Variants in KMT2E observed in about 807,000 individuals in gnomAD.
KMT2E encodes the protein lysine methyltransferase 2E (inactive).
KMT2E carries 30 observed loss-of-function variants against 184.6 expected under a neutral mutation model. That is an observed-to-expected ratio of 0.16 (90% CI 0.12 to 0.22). The LOEUF (loss-of-function observed/expected upper bound fraction) is 0.22, where lower values mean the gene tolerates loss of function less well. Among genes scored for constraint, KMT2E ranks in the 10% least tolerant of loss-of-function variants. The pLI, the probability that KMT2E is intolerant of heterozygous loss-of-function variation, is 1.00. For missense variants in KMT2E, 2,023 were observed against 2,237.4 expected, an observed-to-expected ratio of 0.90 and a Z score of 1.93; for synonymous variants, 815 against 776.5, an observed-to-expected ratio of 1.05 and a Z score of -0.82.
intron 6 of KMT2E, among the ~76,000 whole-genome samples, chr7:105,071,582 G>GTATATATATATATA (rs1554392567): frequency 1.2e-3 from 42 of 34,932 alleles, no homozygotes; most frequent in East Asian, 4.3e-3. Context: ...ATGTGTGTGT[G>GTATATATATATATA]TATATATATA....
rs747049652 is a variant in KMT2E, at chr7:105,081,772, G to C, written c.1333G>C (p.Ala445Pro). The C allele has an allele frequency of 2.0e-6, 3 of 1,492,598 alleles. No homozygotes were observed. The highest frequency in any genetic ancestry group is 2.8e-6 in the Non-Finnish European group (3 of 1,081,982). 92.5% of individuals were successfully genotyped at this position (1,492,598 alleles called of 1,614,324 possible). The change falls in exon 13 of 27, where the codon GCC (alanine) becomes CCC (proline). Residue 445 changes from alanine to proline, a missense_variant. Coordinates refer to ENST00000311117, the MANE Select transcript of KMT2E (RefSeq NM_182931.3). ...TCCAAAGGGAACTGAAATTACTATT[G>C]CCTTTGATTTTGACTATGGAAATTG... ...SIPKGTEITIAFDFDYGNCKY... is the reference protein window; with the variant it reads ...SIPKGTEITIPFDFDYGNCKY...
chr7:105,111,365 C>T (rs1347588103), intron 26 of KMT2E, among the ~76,000 whole-genome samples: 1 of 151,420 alleles, frequency 6.6e-6, no homozygotes, highest in Admixed American at 6.6e-5. Context: ...TTATTTATAT[C>T]TGAACAGTGT....
chr7:105,049,321 C>T (rs1796232134), intron 3 of KMT2E, among the ~76,000 whole-genome samples: 6 of 152,120 alleles, frequency 3.9e-5, no homozygotes, highest in Admixed American at 3.3e-4. Flanking sequence ...GTTGCTTGTG[C>T]CCGTAGTCCC....
intron 3 of KMT2E, among the ~76,000 whole-genome samples, chr7:105,060,011 T>G (rs1381621345): frequency 6.9e-5 from 7 of 101,402 alleles, no homozygotes; most frequent in Admixed American, 3.6e-4. Context: ...TTTTTTTTTT[T>G]GGAGACAGAG....
chr7:105,045,708 G>A (rs528470075), intron 3 of KMT2E, among the ~76,000 whole-genome samples: 3 of 152,170 alleles, frequency 2.0e-5, no homozygotes, highest in South Asian at 2.1e-4. Context: ...CGTACACTTG[G>A]GTTGTTCCTA....
At chr7:105,091,669 A>G (rs1405613337) in intron 15 of KMT2E, 1 of 381,094 alleles carries the variant, frequency 2.6e-6, no homozygotes, top group East Asian at 4.2e-5. Context: ...AAATATAATA[A>G]AAGTACAAAT....
rs749113569 is a variant in KMT2E at position 105,111,980 on chromosome 7, C to T, written c.4224C>T (p.Asn1408=). 9 of 1,614,166 alleles carry T rather than the reference C, an allele frequency of 5.6e-6. No homozygotes were observed. The highest frequency in any genetic ancestry group is 7.6e-6 in the Non-Finnish European group (9 of 1,180,024). ...AACAAAAACAGCTATCAAATAACAA[C>T]CAAGCACTTTCAAAGAATCATCCTC... ...ELQQKQLSNN[N]QALSKNHPPQ... The change falls in exon 27 of 27, where the codon AAC becomes AAT. Residue 1408 remains asparagine (N), a synonymous_variant. Transcript: ENST00000311117.
At chr7:105,018,220 T>C (rs1794796792) in intron 1 of KMT2E, among the ~76,000 whole-genome samples, 1 of 152,218 alleles carries the variant, frequency 6.6e-6, no homozygotes, top group African/African-American at 2.4e-5. Flanking sequence ...TGGAAGCTAC[T>C]ACTACTGGGA....
rs1798963674 is a variant in KMT2E at position 105,107,539 on chromosome 7, G to A, written c.3082G>A (p.Asp1028Asn). 1.2e-6 allele frequency: 2 copies of A among 1,614,072 alleles called. No individual in the cohort carries two copies. The highest frequency in any genetic ancestry group is 1.7e-6 in the Non-Finnish European group (2 of 1,180,012). The change falls in exon 22 of 27, where the codon GAT (aspartate) becomes AAT (asparagine). Residue 1028 changes from aspartate (D) to asparagine (N), a missense_variant. Asp to Asn is a conservative substitution (Grantham distance 23, BLOSUM62 1). Transcript: ENST00000311117. ...TGTGTCAGACCTTCAGCTAGGACTC[G>A]ATGCAGTTGAGCCAACTGCCCTACA... The part of the protein sequence containing the change: ...EPVSDLQLGL[D>N]AVEPTALHKT...
intron 16 of KMT2E, 116 bp from the exon 17 acceptor site, chr7:105,101,770 T>A (rs1034688092): frequency 6.9e-6 from 7 of 1,008,830 alleles, no homozygotes; most frequent in Non-Finnish European, 9.9e-6. Context: ...TTCTTTATTA[T>A]ATATCAGAAT....
chr7:105,086,699 T>A (rs1797977484), intron 13 of KMT2E, among the ~76,000 whole-genome samples: 1 of 150,866 alleles, frequency 6.6e-6, no homozygotes, highest in Non-Finnish European at 1.5e-5. Context: ...CACTCCAGCC[T>A]GGGTGACAGA....
At chr7:105,075,819 T>C (rs1028789907) in intron 8 of KMT2E, among the ~76,000 whole-genome samples, 13 of 152,246 alleles carry the variant, frequency 8.5e-5, no homozygotes, top group Middle Eastern at 3.4e-3. Flanking sequence ...CCTGAGTAGC[T>C]GGGACGACAG....
chr7:105,072,389 T>C (rs1366525927), intron 6 of KMT2E, among the ~76,000 whole-genome samples: 1 of 152,136 alleles, frequency 6.6e-6, no homozygotes, highest in African/African-American at 2.4e-5. Context: ...GAGAGATATG[T>C]TTATTATTCT....
chr7:105,032,591 T>C (rs1795470921), intron 1 of KMT2E, among the ~76,000 whole-genome samples: 1 of 152,238 alleles, frequency 6.6e-6, no homozygotes, highest in Non-Finnish European at 1.5e-5. Context: ...CACCTCAGAC[T>C]CCTGGGCTCA....
intron 12 of KMT2E, among the ~76,000 whole-genome samples, chr7:105,079,990 C>T (rs997097722): frequency 1.3e-5 from 2 of 151,598 alleles, no homozygotes; most frequent in African/African-American, 2.4e-5. Context: ...ACCACAGGTG[C>T]GTGCCACCAT....
Position 105,111,725 on chromosome 7 carries a change from A to AT in KMT2E, c.4069-98dup. 5 of 1,350,480 alleles carry AT rather than the reference A, an allele frequency of 3.7e-6. 1 individual carries two copies. The South Asian group carries it at 7.5e-5, about 20-fold the overall frequency. The allele number at this position is 1,350,480 out of a possible 1,614,324, so 83.7% of individuals were successfully genotyped here. ...TCCAGGATGTTATTTCCTGCCCCCC[A>AT]TTAAAATTAATATTTAGGTAGTATT... On this transcript the variant is annotated intron_variant, in intron 26 of 26. Transcript: ENST00000311117.
At chr7:105,063,256 ATTGAAATTAAGGG>A (rs1383344240) in intron 4 of KMT2E, 82 bp from the exon 5 acceptor site, 9 of 877,178 alleles carry the variant, frequency 1.0e-5, no homozygotes, top group Middle Eastern at 2.3e-4. Context: ...TCTCTTGAGT[ATTGAAATTAAGGG>A]TTGAATTTTA....
chr7:105,044,316 T>C (rs1796009938), intron 3 of KMT2E, among the ~76,000 whole-genome samples: 1 of 152,230 alleles, frequency 6.6e-6, no homozygotes, highest in Admixed American at 6.5e-5. Flanking sequence ...AGTACTCTGG[T>C]AAATTTCACA....
At chr7:105,035,899 G>T (rs551149282) in intron 1 of KMT2E, among the ~76,000 whole-genome samples, 1 of 152,248 alleles carries the variant, frequency 6.6e-6, no homozygotes, top group South Asian at 2.1e-4. Flanking sequence ...ATTTGCCCAC[G>T]TTTGTGGTGT....
Sources: allele counts gnomAD v4.1 joint callset (sites outside exome capture counted in the v4.1 genomes callset), GRCh38; gene constraint gnomAD v4.1.1; transcripts MANE v1.5; gene names NCBI Gene and HGNC (gene_info 2026-07-23, HGNC 2026-07-21).